Variants in CDH15 observed in about 807,000 individuals in gnomAD.
CDH15 encodes the protein cadherin-15.
In CDH15, 73 loss-of-function variants were observed where a neutral mutation model predicts 69.4. The observed-to-expected ratio is 1.05, with a 90% confidence interval of 0.87 to 1.28. The LOEUF (loss-of-function observed/expected upper bound fraction) is 1.28, where lower values mean the gene tolerates loss of function less well. Among genes scored for constraint, CDH15 ranks in the 50% most tolerant of loss-of-function variants. CDH15 has a pLI of 0.00. For synonymous variants in CDH15, 624 were observed against 507.7 expected, an observed-to-expected ratio of 1.23 and a Z score of -3.08; for missense variants, 1,343 against 1,133.6, an observed-to-expected ratio of 1.18 and a Z score of -2.65.
At chr16:89,187,334 CTGAGCTGG>C in intron 5 of CDH15, 87 bp from the exon 6 acceptor site, 1 of 1,496,084 alleles carries the variant, frequency 6.7e-7, no homozygotes, top group Non-Finnish European at 9.2e-7. Flanking sequence ...CCCGTAGGAA[CTGAGCTGG>C]CCAGGTGGCC....
At chr16:89,180,139 C>T in intron 2 of CDH15, 61 bp from the exon 3 acceptor site, 2 of 1,584,276 alleles carry the variant, frequency 1.3e-6, no homozygotes, top group Non-Finnish European at 1.7e-6. Context: ...TGAGGGGCTG[C>T]AGAGAGGGCA....
intron 11 of CDH15, among the ~76,000 whole-genome samples, chr16:89,193,265 C>CTT (rs1915699253): frequency 7.1e-6 from 1 of 139,950 alleles, no homozygotes; most frequent in Admixed American, 7.1e-5. Flanking sequence ...ACAACCCGGC[C>CTT]CCCTCCTCCC....
At chr16:89,187,812 G>A (rs567413941) in intron 6 of CDH15, among the ~76,000 whole-genome samples, 28 of 152,322 alleles carry the variant, frequency 1.8e-4, no homozygotes, top group Middle Eastern at 3.4e-3. Flanking sequence ...AGGCCCTCTC[G>A]CATTGCAGAG....
intron 8 of CDH15, 50 bp from the exon 9 acceptor site, chr16:89,191,280 T>G: frequency 6.2e-7 from 1 of 1,611,120 alleles, no homozygotes; most frequent in Non-Finnish European, 8.5e-7. Context: ...ACCACACCTG[T>G]GGGGCCCTGG....
At chr16:89,186,742 A>G (rs1915498490) in intron 5 of CDH15, among the ~76,000 whole-genome samples, 1 of 148,142 alleles carries the variant, frequency 6.8e-6, no homozygotes, top group Admixed American at 6.7e-5. Flanking sequence ...CACCCAGCGC[A>G]CAGAAGGTGC....
chr16:89,186,505 C>G (rs112456144), intron 5 of CDH15, among the ~76,000 whole-genome samples: 272 of 111,188 alleles, frequency 2.4e-3, no homozygotes, highest in Middle Eastern at 5.2e-3. Flanking sequence ...GCTCTGTAAA[C>G]GCTTACCCAG....
intron 10 of CDH15, 133 bp from the exon 11 acceptor site, chr16:89,192,072 C>A: frequency 2.4e-6 from 3 of 1,269,978 alleles, no homozygotes; most frequent in Non-Finnish European, 3.2e-6. Flanking sequence ...ACTCATTGTG[C>A]CCAGAGGACG....
chr16:89,194,570 G>A (rs1053331292), intron 13 of CDH15, among the ~76,000 whole-genome samples: 1 of 152,162 alleles, frequency 6.6e-6, no homozygotes, highest in East Asian at 1.9e-4. Flanking sequence ...GAAGAGACCA[G>A]GGTGAGGGGG....
chr16:89,183,176 C>G (rs1282492677), intron 3 of CDH15: 1 of 198,022 alleles, frequency 5.0e-6, no homozygotes, highest in Non-Finnish European at 1.0e-5. Context: ...GAGTGAAACT[C>G]TATCTCAAAA....
At chr16:89,185,546 G>C in intron 5 of CDH15, 1 of 643,718 alleles carries the variant, frequency 1.6e-6, no homozygotes, top group South Asian at 1.8e-5. Context: ...GGGGTCTGGT[G>C]CAAGTAGGGC....
At chr16:89,180,400 G>A in intron 3 of CDH15, 45 bp downstream of exon 3, 7 of 1,593,356 alleles carry the variant, frequency 4.4e-6, no homozygotes, top group Non-Finnish European at 6.0e-6. Flanking sequence ...AGCAGGCCTG[G>A]TGGAAAGCCA....
intron 5 of CDH15, among the ~76,000 whole-genome samples, chr16:89,186,484 G>T (rs74187036): frequency 8.6e-5 from 11 of 127,292 alleles, no homozygotes; most frequent in African/African-American, 3.2e-4. Context: ...CCCACCCAGC[G>T]CACAGTAGGT....
Position 89,179,484 on chromosome 16 carries a change from G to T in CDH15, c.111G>T (p.Ala37=). 1 of 1,613,486 alleles carries T rather than the reference G, an allele frequency of 6.2e-7. No homozygotes were observed. Among genetic ancestry groups the T allele is most frequent in the Non-Finnish European group, 8.5e-7 (1 of 1,179,872 alleles). ...CCACCCTGTACCCCTGGCGCCGGGC[G>T]CCTGCCCTGAGCCGCGTGCGGAGGG... ...RPTTLYPWRR[A]PALSRVRRAW... is the part of the protein sequence containing the mutation. Residue 37 remains alanine, a synonymous_variant, in exon 2 of 14, where the codon GCG becomes GCT. Transcript: ENST00000289746.
intron 4 of CDH15, among the ~76,000 whole-genome samples, chr16:89,184,258 G>A (rs530439692): frequency 1.8e-4 from 28 of 152,246 alleles, no homozygotes; most frequent in South Asian, 1.0e-3. Flanking sequence ...TGGCCTCCGC[G>A]CCTCGTTCTG....
intron 4 of CDH15, among the ~76,000 whole-genome samples, chr16:89,184,132 G>A (rs1915432504): frequency 6.6e-6 from 1 of 152,198 alleles, no homozygotes; most frequent in African/African-American, 2.4e-5. Flanking sequence ...AAGACCTGGT[G>A]GAAAGGCACA....
rs371351851 is a variant in CDH15 at position 89,185,304 on chromosome 16, C to T, written c.634C>T (p.Arg212Cys). 5.5e-5 allele frequency: 88 copies of T among 1,605,482 alleles called. No homozygotes were observed. Among genetic ancestry groups the T allele is most frequent in the East Asian group, 6.7e-5 (3 of 44,592 alleles). ...FSIDELTGEI[R>C]TVQVGLDREV... ...CATCGACGAGCTCACAGGAGAGATC[C>T]GCACAGTGCAAGTGGGGCTGGACCG... The change falls in exon 5 of 14, where the codon CGC (arginine) becomes TGC (cysteine). Residue 212 changes from arginine to cysteine, a missense_variant. By Grantham distance (180) the Arg-to-Cys change is radical. Transcript: ENST00000289746.
Position 89,191,427 on chromosome 16 carries a change from C to G in CDH15, c.1330C>G (p.Leu444Val). 6.2e-7 allele frequency: 1 copy of G among 1,612,760 alleles called. No individual in the cohort carries two copies. The highest frequency in any genetic ancestry group is 8.5e-7 in the Non-Finnish European group (1 of 1,179,990). Residue 444 changes from leucine to valine, a missense_variant, in exon 9 of 14, where the codon CTC (leucine) becomes GTC (valine). Transcript: ENST00000289746. ...QHVLSPASPF[L>V]KGGWYRAIVL... Reference sequence around the variant, plus strand: ...CGTGCTCAGCCCGGCGTCCCCCTTCCTCAAGGGCGGCTGGTACAGAGCCAT... The same window carrying G: ...CGTGCTCAGCCCGGCGTCCCCCTTCGTCAAGGGCGGCTGGTACAGAGCCAT...
Position 89,191,636 on chromosome 16 carries a change from G to A in CDH15, c.1376-19G>A, listed in dbSNP as rs367929268. 5.7e-4 allele frequency: 904 copies of A among 1,573,284 alleles called. 4 individuals are homozygous for A. Among genetic ancestry groups the A allele is most frequent in the Middle Eastern group, 3.8e-3 (23 of 6,016 alleles). ...GCTGGGGTGTTGGGGTCACTAAGCC[G>A]CGGCCTCCTCGCCTGCAGCCTCCCA... is the stretch of plus-strand genomic sequence containing the variant. On this transcript the variant is annotated intron_variant, in intron 9 of 13. Transcript: ENST00000289746.
intron 3 of CDH15, among the ~76,000 whole-genome samples, chr16:89,180,763 G>A (rs1915357717): frequency 6.6e-6 from 1 of 152,048 alleles, no homozygotes; most frequent in Admixed American, 6.6e-5. Context: ...TCGCTCTGTC[G>A]CCCAGGCTGG....
Sources: gnomAD v4.1 joint callset for allele counts (sites outside exome capture counted in the v4.1 genomes callset) on GRCh38, gnomAD v4.1.1 for gene constraint, MANE v1.5 for transcripts, NCBI Gene and HGNC (gene_info 2026-07-23, HGNC 2026-07-21) for gene names.